FAM107B: variants seen among roughly 807,000 people sequenced by gnomAD.
FAM107B encodes protein FAM107B.
Under a neutral mutation model 31.5 loss-of-function variants are expected in FAM107B, and 21 were observed. That is an observed-to-expected ratio of 0.67 (90% CI 0.47 to 0.96). FAM107B has a LOEUF of 0.96. FAM107B is among the 40% of genes least tolerant of loss of function. The pLI, the probability that FAM107B is intolerant of heterozygous loss-of-function variation, is 0.00. For synonymous variants in FAM107B, 157 were observed against 141.5 expected (o/e 1.11, Z -0.78); for missense variants, 452 against 377.1 (o/e 1.20, Z -1.64).
chr10:14,587,831 C>T (rs1851893229), intron 2 of FAM107B, among the ~76,000 whole-genome samples: 1 of 152,116 alleles, frequency 6.6e-6, no homozygotes, highest in Admixed American at 6.5e-5. Context: ...GAGCTTTGAG[C>T]TCTCAGTAAT....
intron 1 of FAM107B, among the ~76,000 whole-genome samples, chr10:14,762,056 C>T (rs539956070): frequency 6.6e-6 from 1 of 152,256 alleles, no homozygotes; most frequent in South Asian, 2.1e-4. Context: ...AGTATCTCTA[C>T]CCTAAGGACG....
chr10:14,595,422 CTTTTTTT>C (rs35540585), intron 2 of FAM107B, among the ~76,000 whole-genome samples: 3 of 98,164 alleles, frequency 3.1e-5, no homozygotes, highest in East Asian at 3.2e-4. Flanking sequence ...CTAGGGCAAC[CTTTTTTT>C]TTTTTTTTTT....
At chr10:14,634,819 G>A (rs778455006) in intron 2 of FAM107B, among the ~76,000 whole-genome samples, 32 of 152,086 alleles carry the variant, frequency 2.1e-4, no homozygotes, top group Non-Finnish European at 8.8e-5. Flanking sequence ...GGCCGGGTGC[G>A]GTGTCTCACG....
chr10:14,542,050 G>A (rs1392948539), intron 2 of FAM107B, among the ~76,000 whole-genome samples: 1 of 152,050 alleles, frequency 6.6e-6, no homozygotes, highest in East Asian at 1.9e-4. Context: ...TTGAGATCAG[G>A]AGTTTGAGAC....
chr10:14,769,585 G>A (rs1252409734), intron 1 of FAM107B, among the ~76,000 whole-genome samples: 3 of 151,946 alleles, frequency 2.0e-5, no homozygotes. Flanking sequence ...GGGGTTTCAC[G>A]ATGTTGGCCA....
intron 1 of FAM107B, among the ~76,000 whole-genome samples, chr10:14,695,917 A>G (rs1017794298): frequency 6.6e-6 from 1 of 152,164 alleles, no homozygotes; most frequent in African/African-American, 2.4e-5. Context: ...GGCTCATATC[A>G]TGTGCAAATA....
chr10:14,627,748 G>A (rs572385220), intron 2 of FAM107B, among the ~76,000 whole-genome samples: 2 of 152,220 alleles, frequency 1.3e-5, no homozygotes, highest in East Asian at 1.9e-4. Context: ...ATCCTCGCCT[G>A]GGGGACAGAG....
At chr10:14,732,170 T>G (rs577682678) in intron 1 of FAM107B, among the ~76,000 whole-genome samples, 1 of 152,350 alleles carries the variant, frequency 6.6e-6, no homozygotes, top group African/African-American at 2.4e-5. Context: ...TCAATCACAC[T>G]ATTGATGTTT....
intron 1 of FAM107B, among the ~76,000 whole-genome samples, chr10:14,699,543 C>G (rs1013804114): frequency 6.6e-6 from 1 of 152,180 alleles, no homozygotes; most frequent in African/African-American, 2.4e-5. Flanking sequence ...CCTTCCTCCA[C>G]CATTTTGTTC....
At chr10:14,646,745 A>G (rs1853764367) in intron 2 of FAM107B, among the ~76,000 whole-genome samples, 1 of 144,298 alleles carries the variant, frequency 6.9e-6, no homozygotes, top group Non-Finnish European at 1.5e-5. Context: ...AGCTCGCCAT[A>G]CTGTTTTCCA....
At chr10:14,709,754 A>C (rs1276386992) in intron 1 of FAM107B, among the ~76,000 whole-genome samples, 1 of 152,256 alleles carries the variant, frequency 6.6e-6, no homozygotes, top group Non-Finnish European at 1.5e-5. Context: ...AAAGAAGTGC[A>C]CAATCAACCC....
chr10:14,570,501 G>A (rs913505442), intron 2 of FAM107B, among the ~76,000 whole-genome samples: 1 of 152,064 alleles, frequency 6.6e-6, no homozygotes, highest in Non-Finnish European at 1.5e-5. Context: ...CCTAACCAAG[G>A]AATAAGAAGC....
chr10:14,587,991 G>A (rs1283536235), intron 2 of FAM107B, among the ~76,000 whole-genome samples: 1 of 152,182 alleles, frequency 6.6e-6, no homozygotes, highest in Non-Finnish European at 1.5e-5. Flanking sequence ...ATGGTGGGAT[G>A]TATATTTAAA....
intron 1 of FAM107B, among the ~76,000 whole-genome samples, chr10:14,703,341 T>C (rs1187179811): frequency 6.6e-6 from 1 of 151,162 alleles, no homozygotes; most frequent in Non-Finnish European, 1.5e-5. Flanking sequence ...TTTTTTTTTT[T>C]TTTCTGAGAC....
intron 2 of FAM107B, among the ~76,000 whole-genome samples, chr10:14,589,722 C>A (rs1239029742): frequency 6.6e-6 from 1 of 151,946 alleles, no homozygotes; most frequent in Non-Finnish European, 1.5e-5. Flanking sequence ...ACCTAGATGA[C>A]AGATTGATGG....
intron 1 of FAM107B, among the ~76,000 whole-genome samples, chr10:14,727,280 C>T (rs1856058640): frequency 6.6e-6 from 1 of 152,170 alleles, no homozygotes; most frequent in African/African-American, 2.4e-5. Context: ...GAGTTGGGGA[C>T]CCCTGCTTTA....
chr10:14,568,247 G>A (rs1029926611), intron 2 of FAM107B, among the ~76,000 whole-genome samples: 2 of 151,656 alleles, frequency 1.3e-5, no homozygotes, highest in African/African-American at 4.8e-5. Flanking sequence ...ATACAGGGTG[G>A]GAGAAGGTGC....
intron 1 of FAM107B, among the ~76,000 whole-genome samples, chr10:14,704,198 C>T (rs1291884018): frequency 1.3e-5 from 2 of 151,422 alleles, no homozygotes; most frequent in African/African-American, 2.4e-5. Context: ...AGGAGAAATC[C>T]GATCACTTTA....
At chr10:14,742,616 A>G (rs754384454) in intron 1 of FAM107B, among the ~76,000 whole-genome samples, 1 of 152,132 alleles carries the variant, frequency 6.6e-6, no homozygotes, top group Non-Finnish European at 1.5e-5. Context: ...CTTGGCTGAG[A>G]TGAAGGGAGA....
Sources: allele counts gnomAD v4.1 joint callset (sites outside exome capture counted in the v4.1 genomes callset), GRCh38; gene constraint gnomAD v4.1.1; transcripts MANE v1.5; gene names NCBI Gene and HGNC (gene_info 2026-07-23, HGNC 2026-07-21).